The following RORB variants were observed in gnomAD, a reference collection of about 807,000 sequenced individuals.
The protein encoded by RORB is RAR related orphan receptor B, also known as nuclear receptor ROR-beta.
In RORB, 6 loss-of-function variants were observed where a neutral mutation model predicts 59.1. The observed-to-expected ratio is 0.10, with a 90% CI of 0.06 to 0.20. The LOEUF (loss-of-function observed/expected upper bound fraction) is 0.20. Among genes scored for constraint, RORB ranks in the 10% least tolerant of loss-of-function variants. The probability of loss-of-function intolerance (pLI) is 1.00; values close to 1 mark genes in which losing one functional copy is unlikely to be tolerated. For missense variants in RORB, 320 were observed against 560.5 expected (o/e 0.57, Z 4.33); for synonymous variants, 215 against 204.5 (o/e 1.05, Z -0.44).
intron 1 of RORB, among the ~76,000 whole-genome samples, chr9:74,629,105 T>C (rs1823572790): frequency 6.6e-6 from 1 of 152,156 alleles, no homozygotes; most frequent in East Asian, 1.9e-4. Flanking sequence ...GGTTCCCTTT[T>C]TTAATCATAT....
chr9:74,649,475 C>T (rs1488915202), intron 4 of RORB, among the ~76,000 whole-genome samples: 1 of 152,176 alleles, frequency 6.6e-6, no homozygotes, highest in African/African-American at 2.4e-5. Flanking sequence ...ACCATGGTTA[C>T]ATCTATAGTA....
At chr9:74,509,298 A>G (rs1279769813) in intron 1 of RORB, among the ~76,000 whole-genome samples, 2 of 152,136 alleles carry the variant, frequency 1.3e-5, no homozygotes, top group Admixed American at 6.6e-5. Flanking sequence ...AAGTATAAGT[A>G]GTAAATTTTT....
intron 1 of RORB, among the ~76,000 whole-genome samples, chr9:74,590,312 T>A: frequency 6.6e-6 from 1 of 152,216 alleles, no homozygotes; most frequent in East Asian, 1.9e-4. Flanking sequence ...ATACATTTGG[T>A]GACAGACTGA....
chr9:74,606,426 TTTCTCA>T (rs1476670290), intron 1 of RORB, among the ~76,000 whole-genome samples: 34 of 152,252 alleles, frequency 2.2e-4, no homozygotes, highest in Non-Finnish European at 1.9e-4. Flanking sequence ...TCCACATTTG[TTTCTCA>T]TTCTGTTCAG....
intron 1 of RORB, among the ~76,000 whole-genome samples, chr9:74,564,943 T>C (rs1285215460): frequency 1.3e-5 from 2 of 152,242 alleles, no homozygotes; most frequent in Non-Finnish European, 2.9e-5. Context: ...AACATCTTTC[T>C]GCTTACAACT....
chr9:74,548,379 C>T (rs1026618474), intron 1 of RORB, among the ~76,000 whole-genome samples: 3 of 152,182 alleles, frequency 2.0e-5, no homozygotes, highest in Non-Finnish European at 4.4e-5. Context: ...GCAGCAGTTT[C>T]TGCTGGTTGA....
chr9:74,543,541 A>G (rs1193756514), intron 1 of RORB, among the ~76,000 whole-genome samples: 3 of 152,192 alleles, frequency 2.0e-5, no homozygotes, highest in Non-Finnish European at 4.4e-5. Flanking sequence ...CAGTCCCAGA[A>G]ATCATGAGGC....
At chr9:74,580,035 A>C (rs1363418100) in intron 1 of RORB, among the ~76,000 whole-genome samples, 1 of 152,134 alleles carries the variant, frequency 6.6e-6, no homozygotes, top group Non-Finnish European at 1.5e-5. Flanking sequence ...GTTTATTATT[A>C]TTGTGCCTAA....
At chr9:74,504,781 A>G (rs921381806) in intron 1 of RORB, among the ~76,000 whole-genome samples, 4 of 152,108 alleles carry the variant, frequency 2.6e-5, no homozygotes, top group African/African-American at 9.7e-5. Context: ...ACTGTGGAGT[A>G]TATGAAAAAC....
At chr9:74,545,873 T>A (rs972996817) in intron 1 of RORB, among the ~76,000 whole-genome samples, 1 of 152,208 alleles carries the variant, frequency 6.6e-6, no homozygotes, top group African/African-American at 2.4e-5. Context: ...GGACCTTTCG[T>A]AGAGCCTTTA....
intron 9 of RORB, among the ~76,000 whole-genome samples, chr9:74,678,139 T>A (rs191148296): frequency 5.6e-4 from 85 of 152,326 alleles, no homozygotes; most frequent in Admixed American, 3.5e-3. Flanking sequence ...AAAACTATAC[T>A]CTCATTAGTT....
intron 9 of RORB, among the ~76,000 whole-genome samples, chr9:74,680,018 G>A (rs1389819520): frequency 6.6e-6 from 1 of 152,022 alleles, no homozygotes; most frequent in Non-Finnish European, 1.5e-5. Context: ...CAGGAGAATT[G>A]CTTGAACCCG....
chr9:74,551,293 A>G (rs1826604216), intron 1 of RORB, among the ~76,000 whole-genome samples: 2 of 152,164 alleles, frequency 1.3e-5, no homozygotes, highest in African/African-American at 4.8e-5. Flanking sequence ...AAAGCACTTT[A>G]TGGCTTCTTT....
At chr9:74,669,175 T>C (rs1302205709) in intron 8 of RORB, among the ~76,000 whole-genome samples, 1 of 152,188 alleles carries the variant, frequency 6.6e-6, no homozygotes, top group Non-Finnish European at 1.5e-5. Context: ...GTGAGTAAAA[T>C]ATTTTTTTAA....
intron 4 of RORB, among the ~76,000 whole-genome samples, chr9:74,644,030 T>A (rs1405825977): frequency 6.6e-6 from 1 of 152,260 alleles, no homozygotes; most frequent in East Asian, 1.9e-4. Flanking sequence ...TAGCTATTAC[T>A]GTTTTATGCT....
intron 1 of RORB, among the ~76,000 whole-genome samples, chr9:74,541,081 G>A (rs1011640728): frequency 1.3e-5 from 2 of 151,862 alleles, no homozygotes; most frequent in Non-Finnish European, 2.9e-5. Context: ...AGGAGTTCAA[G>A]ACCAGCCTGG....
chr9:74,566,625 C>T (rs1222488936), intron 1 of RORB, among the ~76,000 whole-genome samples: 1 of 151,956 alleles, frequency 6.6e-6, no homozygotes, highest in Non-Finnish European at 1.5e-5. Flanking sequence ...GGTGAAACCC[C>T]GTCTCTACTA....
At chr9:74,549,632 G>A (rs575513707) in intron 1 of RORB, among the ~76,000 whole-genome samples, 11 of 143,052 alleles carry the variant, frequency 7.7e-5, no homozygotes, top group South Asian at 2.2e-4. Context: ...AAGGAAGAAA[G>A]GAAAGAAAGA....
chr9:74,509,394 T>C (rs140746855), intron 1 of RORB, among the ~76,000 whole-genome samples: 7 of 152,036 alleles, frequency 4.6e-5, no homozygotes, highest in African/African-American at 1.2e-4. Flanking sequence ...TTTCAAAATT[T>C]TGAAAAAATT....
Sources: gnomAD v4.1 joint callset for allele counts (sites outside exome capture counted in the v4.1 genomes callset) on GRCh38, gnomAD v4.1.1 for gene constraint, MANE v1.5 for transcripts, NCBI Gene and HGNC (gene_info 2026-07-23, HGNC 2026-07-21) for gene names.